The following PRPF18 variants were observed in gnomAD, a reference collection of about 807,000 sequenced individuals.
PRPF18 encodes the protein pre-mRNA-splicing factor 18.
Under a neutral mutation model 46.5 loss-of-function variants are expected in PRPF18, and 38 were observed. The ratio of observed to expected loss-of-function variants is 0.82; its 90% CI spans 0.63 to 1.07. PRPF18 has a LOEUF of 1.07. Ranked by LOEUF, PRPF18 falls within the 50% of genes least tolerant of loss-of-function variation. The pLI is 0.00. For missense variants in PRPF18, 263 were observed against 410.0 expected (o/e 0.64, Z 3.10); for synonymous variants, 152 against 146.7 (o/e 1.04, Z -0.26).
At chr10:13,653,423 T>C in the PRPF18 span, 1 of 152,328 alleles carries the variant, frequency 6.6e-6, no homozygotes, top group African/African-American at 2.4e-5. Flanking sequence ...GGAGAATCAC[T>C]TGAACCATGG....
At chr10:13,623,419 C>T (rs2080449658) in intron 9 of PRPF18, among the ~76,000 whole-genome samples, 1 of 152,080 alleles carries the variant, frequency 6.6e-6, no homozygotes, top group Non-Finnish European at 1.5e-5. Flanking sequence ...AGAACTTTTG[C>T]AGTTTATGAC....
intron 3 of PRPF18, among the ~76,000 whole-genome samples, chr10:13,601,072 C>T (rs901205232): frequency 7.2e-5 from 11 of 152,064 alleles, no homozygotes; most frequent in Admixed American, 2.0e-4. Context: ...TGAGCCACCG[C>T]GCCTGGCCGC....
At chr10:13,592,316 C>G in intron 1 of PRPF18, 1 of 384,272 alleles carries the variant, frequency 2.6e-6, no homozygotes, top group East Asian at 6.2e-5. Context: ...AACTTTTTCA[C>G]CCACCATCTT....
At chr10:13,598,106 T>G (rs950995365) in intron 2 of PRPF18, among the ~76,000 whole-genome samples, 1 of 152,194 alleles carries the variant, frequency 6.6e-6, no homozygotes, top group African/African-American at 2.4e-5. Context: ...AAACACTGTT[T>G]AGTCTGTTGG....
At chr10:13,615,380 A>C (rs988377949) in intron 8 of PRPF18, among the ~76,000 whole-genome samples, 2 of 152,242 alleles carry the variant, frequency 1.3e-5, no homozygotes, top group African/African-American at 4.8e-5. Flanking sequence ...TAAATATTGC[A>C]GTTTTTATCA....
At chr10:13,588,067 T>A (rs1403779308) in intron 1 of PRPF18, among the ~76,000 whole-genome samples, 1 of 152,128 alleles carries the variant, frequency 6.6e-6, no homozygotes, top group East Asian at 1.9e-4. Context: ...CGTGCCCCAG[T>A]GCTCCTGAGA....
intron 3 of PRPF18, among the ~76,000 whole-genome samples, chr10:13,604,914 G>T (rs1429361185): frequency 6.6e-6 from 1 of 152,150 alleles, no homozygotes; most frequent in African/African-American, 2.4e-5. Flanking sequence ...TATGTAAAAT[G>T]AGGGCCACAG....
At chr10:13,613,694 A>C in intron 6 of PRPF18, 47 bp from the exon 7 acceptor site, 1 of 1,585,888 alleles carries the variant, frequency 6.3e-7, no homozygotes, top group South Asian at 1.2e-5. Context: ...AGATGTACTG[A>C]ACCACTGGGT....
intron 9 of PRPF18, among the ~76,000 whole-genome samples, chr10:13,627,162 C>T (rs1483601089): frequency 2.0e-5 from 3 of 152,176 alleles, no homozygotes; most frequent in African/African-American, 7.2e-5. Context: ...AGCCAAAGTC[C>T]TTCAGGTTGC....
the PRPF18 span, chr10:13,653,334 T>C: frequency 6.6e-6 from 1 of 152,256 alleles, no homozygotes; most frequent in South Asian, 2.1e-4. Flanking sequence ...GCCAACGTGG[T>C]GAAACCCTGT....
At chr10:13,654,987 C>G in the PRPF18 span, 1 of 162,750 alleles carries the variant, frequency 6.1e-6, no homozygotes, top group East Asian at 1.9e-4. Flanking sequence ...GAGAGGGCAT[C>G]CAGAAAGGTT....
chr10:13,593,242 C>CA (rs57592751), intron 1 of PRPF18, among the ~76,000 whole-genome samples: 1 of 151,952 alleles, frequency 6.6e-6, no homozygotes, highest in East Asian at 1.9e-4. Flanking sequence ...CTAAAAAGTA[C>CA]AAAAAAATAC....
the PRPF18 span, among the ~76,000 whole-genome samples, chr10:13,636,128 C>CGAGATAGGTTTGGCTGGGT: frequency 6.6e-6 from 1 of 152,090 alleles, no homozygotes; most frequent in East Asian, 1.9e-4. Flanking sequence ...AGTTAAAGTA[C>CGAGATAGGTTTGGCTGGGT]GAGATAGGTT....
At chr10:13,651,800 C>T in the PRPF18 span, 1 of 727,826 alleles carries the variant, frequency 1.4e-6, no homozygotes, top group Non-Finnish European at 2.6e-6. Flanking sequence ...GGCATAAATA[C>T]AGCATTCAGA....
chr10:13,619,324 C>T (rs11258479), intron 9 of PRPF18, among the ~76,000 whole-genome samples: 11,245 of 152,234 alleles, frequency 0.074, 455 homozygotes, highest in African/African-American at 0.1. Flanking sequence ...TAAGACAAAG[C>T]TTTTTCAGAA....
At chr10:13,621,610 C>T (rs1447484978) in intron 9 of PRPF18, among the ~76,000 whole-genome samples, 1 of 152,146 alleles carries the variant, frequency 6.6e-6, no homozygotes, top group African/African-American at 2.4e-5. Flanking sequence ...GTAACATCCT[C>T]GAAACTACTA....
rs773698567 is a variant in PRPF18, at chr10:13,609,996, T to G, written c.364-43T>G. 7.9e-6 allele frequency: 12 copies of G among 1,523,998 alleles called. No individual in the cohort carries two copies. The South Asian group carries it at 1.3e-4, about 16-fold the overall frequency. The allele number at this position is 1,523,998 out of a possible 1,614,324, so 94.4% of individuals were successfully genotyped here. ...ATCAAAGGTGAAAAAACAGGTGTTC[T>G]TCCTTTCATAACAGGTGTTCTTCCT... On this transcript the variant is annotated intron_variant, in intron 4 of 9. Transcript: ENST00000378572.
chr10:13,591,493 CG>C (rs1184504818), intron 1 of PRPF18: 3 of 657,420 alleles, frequency 4.6e-6, no homozygotes, highest in African/African-American at 1.8e-5. Flanking sequence ...TTCCATGAGT[CG>C]GGGCAAACAC....
the PRPF18 span, chr10:13,649,114 T>C: frequency 6.6e-6 from 1 of 152,202 alleles, no homozygotes. Context: ...TGGGCTAATA[T>C]TATGAAATGT....
Sources: allele counts gnomAD v4.1 joint callset (sites outside exome capture counted in the v4.1 genomes callset), GRCh38; gene constraint gnomAD v4.1.1; transcripts MANE v1.5; gene names NCBI Gene and HGNC (gene_info 2026-07-23, HGNC 2026-07-21).